TOP3B: variants seen among roughly 807,000 people sequenced by gnomAD.
TOP3B encodes the protein DNA topoisomerase III beta, also known as DNA topoisomerase 3-beta-1.
In TOP3B, 45 loss-of-function variants were observed where a neutral mutation model predicts 93.9. The observed-to-expected ratio is 0.48, with a 90% CI of 0.38 to 0.61. The LOEUF is 0.61. TOP3B is among the 20% of genes least tolerant of loss of function. TOP3B has a pLI of 0.00. For missense variants in TOP3B, 750 were observed against 1,156.1 expected, an observed-to-expected ratio of 0.65 and a Z score of 5.09; for synonymous variants, 357 against 472.6, an observed-to-expected ratio of 0.76 and a Z score of 3.17.
At chr22:21,978,886 C>A (rs759261035) in intron 1 of TOP3B, among the ~76,000 whole-genome samples, 1 of 152,186 alleles carries the variant, frequency 6.6e-6, no homozygotes, top group Non-Finnish European at 1.5e-5. Flanking sequence ...GCTGATGGGA[C>A]TGCTCTGGCG....
At chr22:21,966,073 T>C (rs2071405182) in intron 8 of TOP3B, 1 of 152,074 alleles carries the variant, frequency 6.6e-6, no homozygotes, top group African/African-American at 2.4e-5. Flanking sequence ...TTTTTTCAAT[T>C]TCTTGTACAG....
At chr22:21,964,369 C>T in intron 9 of TOP3B, 54 bp from the exon 10 acceptor site, 1 of 1,597,836 alleles carries the variant, frequency 6.3e-7, no homozygotes. Context: ...TGGCCAGCTG[C>T]CTGCCCTGGC....
Position 21,975,719 on chromosome 22 carries a change from G to C in TOP3B, c.-10C>G. The stretch of plus-strand genomic sequence containing the variant: ...TGAGCACAGTCTTCATTTTGTCTCG[G>C]TCCTTCACACTCCAGTTTCGGGGCA... On this transcript the variant is annotated 5_prime_UTR_variant, in exon 2 of 18. Coordinates refer to ENST00000357179, the MANE Select transcript of TOP3B (RefSeq NM_001282112.2). 1 of 1,604,040 alleles carries C rather than the reference G, an allele frequency of 6.2e-7. No homozygotes were observed. Among genetic ancestry groups the C allele is most frequent in the Non-Finnish European group, 8.5e-7 (1 of 1,173,178 alleles).
chr22:21,975,536 G>T (rs1171484796), intron 2 of TOP3B, 104 bp downstream of exon 2: 3 of 1,341,012 alleles, frequency 2.2e-6, no homozygotes, highest in Non-Finnish European at 3.0e-6. Flanking sequence ...CTGCCGACCC[G>T]AACCAAATCT....
intron 4 of TOP3B, chr22:21,972,152 T>G (rs2071665698): frequency 1.8e-6 from 1 of 550,222 alleles, no homozygotes; most frequent in African/African-American, 1.9e-5. Context: ...ATTGATGTTT[T>G]TTGGACCAAA....
At chr22:21,975,317 G>A (rs565367238) in intron 2 of TOP3B, 43 of 242,950 alleles carry the variant, frequency 1.8e-4, no homozygotes, top group Middle Eastern at 2.9e-3. Flanking sequence ...TGACTGGGGT[G>A]TAGTCCTGGC....
Position 21,971,242 on chromosome 22 carries a change from C to G in TOP3B, c.384+635G>C. On this transcript the variant is annotated intron_variant, in intron 5 of 17. Transcript: ENST00000357179. This position sits in a 1 kb window ranked among gnomAD's most constrained non-coding sequence, Gnocchi z 4.6. ...CTCAGCTCTGTCTCACTGACCAGCT[C>G]TTGAGCCACGGGTGAGAGCTGGGGG... 3.1e-6 allele frequency: 1 copy of G among 327,082 alleles called. No individual in the cohort carries two copies. Among genetic ancestry groups the G allele is most frequent in the South Asian group, 2.4e-5 (1 of 42,258 alleles). The allele number at this position is 327,082 out of a possible 1,614,324, so 20.3% of individuals were successfully genotyped here.
At chr22:21,981,280 G>A (rs551576614) in intron 1 of TOP3B, among the ~76,000 whole-genome samples, 1 of 152,274 alleles carries the variant, frequency 6.6e-6, no homozygotes, top group East Asian at 1.9e-4. Context: ...GCCTAGACTG[G>A]GACTGTGGGG....
At chr22:21,959,375 C>A in intron 15 of TOP3B, 143 bp from the exon 16 acceptor site, 1 of 1,490,242 alleles carries the variant, frequency 6.7e-7, no homozygotes, top group African/African-American at 1.4e-5. Context: ...GGGCAGCAGC[C>A]CTGTGCGTCA....
chr22:21,963,251 T>C lies in TOP3B; in HGVS notation c.1205-358A>G. 1 of 213,006 alleles carries C rather than the reference T, an allele frequency of 4.7e-6. No individual in the cohort carries two copies. The highest frequency in any genetic ancestry group is 7.0e-5 in the South Asian group (1 of 14,242). 13.2% of individuals were successfully genotyped at this position (213,006 alleles called of 1,614,324 possible). On this transcript the variant is annotated intron_variant, in intron 11 of 17. Coordinates refer to ENST00000357179, the MANE Select transcript of TOP3B (RefSeq NM_001282112.2). The surrounding 1 kb of genome is among the most constrained non-coding windows in gnomAD (Gnocchi z 4.8). The stretch of plus-strand genomic sequence containing the variant: ...CTCGGGGGGCTGAGGCAGGGTGAAC[T>C]GCTTGAACCTGGGAGGCAGAGGTTG...
rs1218215545 is a variant in TOP3B, at chr22:21,971,938, C to T, written c.323G>A (p.Gly108Asp). ...CAGCCACAGCACGATGTAGTCGCAG[C>T]CTCTGCCCTCCACCTGCCACACAGC... is the stretch of plus-strand genomic sequence containing the variant. ...MVKFLQVEGR[G>D]CDYIVLWLDC... Residue 108 changes from glycine (G) to aspartate (D), a missense_variant, in exon 5 of 18, where the codon GGC (glycine) becomes GAC (aspartate). Gly to Asp is a moderately conservative substitution (Grantham distance 94, BLOSUM62 -1). This residue lies in a region of TOP3B where 737 missense variants were observed against 933.7 expected (regional missense o/e 0.79). Transcript: ENST00000357179. The surrounding 1 kb of genome is among the most constrained non-coding windows in gnomAD (Gnocchi z 4.6). The T allele has an allele frequency of 1.9e-6, 3 of 1,613,040 alleles. No homozygotes were observed. Among genetic ancestry groups the T allele is most frequent in the Admixed American group, 1.7e-5 (1 of 59,872 alleles).
intron 9 of TOP3B, 81 bp from the exon 10 acceptor site, chr22:21,964,396 C>T: frequency 1.9e-6 from 3 of 1,548,730 alleles, no homozygotes. Context: ...ACTCAGGCTC[C>T]CCCATTGTGG....
chr22:21,980,097 G>A (rs563401669), intron 1 of TOP3B, among the ~76,000 whole-genome samples: 9 of 152,114 alleles, frequency 5.9e-5, no homozygotes, highest in Admixed American at 1.3e-4. Flanking sequence ...TGTGTAGAGA[G>A]CACTGCCATC....
chr22:21,960,210 C>A, intron 14 of TOP3B, 111 bp downstream of exon 14: 1 of 1,507,414 alleles, frequency 6.6e-7, no homozygotes, highest in South Asian at 1.2e-5. Flanking sequence ...GTGTGTGGGG[C>A]TGGGGGATCA....
intron 1 of TOP3B, among the ~76,000 whole-genome samples, chr22:21,980,216 G>A (rs1042681081): frequency 3.3e-5 from 5 of 152,202 alleles, no homozygotes; most frequent in Admixed American, 6.5e-5. Flanking sequence ...GTGGGTGTTA[G>A]GGCCTGGAGG....
intron 1 of TOP3B, chr22:21,976,694 G>A (rs1453346941): frequency 6.6e-6 from 1 of 152,162 alleles, no homozygotes; most frequent in African/African-American, 2.4e-5. Flanking sequence ...TGGGCTTTGT[G>A]TCTGAATCAC....
chr22:21,975,065 A>G lies in TOP3B; in HGVS notation c.70+575T>C, dbSNP rs917809142. 1.6e-4 allele frequency: 24 copies of G among 152,922 alleles called. 1 individual carries two copies. Among genetic ancestry groups the G allele is most frequent in the African/African-American group, 5.8e-4 (24 of 41,564 alleles). The allele number at this position is 152,922 out of a possible 1,614,324, so 9.5% of individuals were successfully genotyped here. ...AGGTGCCTGTCATTTCTGGGTACCC[A>G]GCATCTAAAACTCTTCCTATTTGGA... On this transcript the variant is annotated intron_variant, in intron 2 of 17. Transcript: ENST00000357179.
In TOP3B at chr22:21,963,078, A is replaced by G. The variant is rs529588710; in HGVS notation, c.1205-185T>C. ...GCCGGGCGTGGTGGCTCATGCCTGT[A>G]ATCCTAGCACTCTGGGAGGCTAAGG... On this transcript the variant is annotated intron_variant, in intron 11 of 17. Coordinates refer to ENST00000357179, the MANE Select transcript of TOP3B (RefSeq NM_001282112.2). This position sits in a 1 kb window ranked among gnomAD's most constrained non-coding sequence, Gnocchi z 4.8. 1.5e-6 allele frequency: 1 copy of G among 665,568 alleles called. No homozygotes were observed. The highest frequency in any genetic ancestry group is 2.6e-6 in the Non-Finnish European group (1 of 387,070). 41.2% of individuals were successfully genotyped at this position (665,568 alleles called of 1,614,324 possible).
At chr22:21,967,516 G>T in intron 8 of TOP3B, 87 bp downstream of exon 8, 1 of 1,003,692 alleles carries the variant, frequency 1.0e-6, no homozygotes, top group Non-Finnish European at 1.6e-6. Flanking sequence ...CGTGGACTAG[G>T]ATCACAGGCT....
Sources: gnomAD v4.1 joint callset for allele counts (sites outside exome capture counted in the v4.1 genomes callset) on GRCh38, gnomAD v4.1.1 for gene constraint, gnomAD v4.1.1 regional missense constraint, Gnocchi (gnomAD v3.1) non-coding constraint, MANE v1.5 for transcripts, NCBI Gene and HGNC (gene_info 2026-07-23, HGNC 2026-07-21) for gene names.